Variants in COL1A1 observed in about 807,000 individuals in gnomAD.
COL1A1 encodes collagen type I alpha 1 chain.
A neutral mutation model predicts 195.7 loss-of-function variants in COL1A1; 21 were observed. The ratio of observed to expected loss-of-function variants is 0.11; its 90% CI spans 0.08 to 0.15. The LOEUF is 0.15. Among genes scored for constraint, COL1A1 ranks in the 10% least tolerant of loss-of-function variants. The pLI, the probability that COL1A1 is intolerant of heterozygous loss-of-function variation, is 1.00. For synonymous variants in COL1A1, 749 were observed against 747.3 expected (o/e 1.00, Z -0.04); for missense variants, 1,365 against 2,051.0 (o/e 0.67, Z 6.46).
rs775025619 is a variant in COL1A1 at position 50,189,319 on chromosome 17, G to A, written c.2830-44C>T. ...GGTGAGGTGCCAGAGAGCAGCACAGGGACCCCTCCCCAGCTCTGCACACCT... is the reference window on the plus strand; with the variant it reads ...GGTGAGGTGCCAGAGAGCAGCACAGAGACCCCTCCCCAGCTCTGCACACCT... On this transcript the variant is annotated intron_variant, in intron 39 of 50. Coordinates refer to ENST00000225964, the MANE Select transcript of COL1A1 (RefSeq NM_000088.4). This position sits in a 1 kb window ranked among gnomAD's most constrained non-coding sequence, Gnocchi z 5.5. 1 of 1,613,574 alleles carries A rather than the reference G, an allele frequency of 6.2e-7. No homozygotes were observed. Among genetic ancestry groups the A allele is most frequent in the Non-Finnish European group, 8.5e-7 (1 of 1,179,874 alleles).
At chr17:50,198,326 C>T (rs983800887) in intron 6 of COL1A1, 107 bp downstream of exon 6, 3 of 1,547,382 alleles carry the variant, frequency 1.9e-6, no homozygotes, top group African/African-American at 1.4e-5. Context: ...CTCTGAGGTC[C>T]CAAAGGTGAT....
chr17:50,199,670 C>G, intron 2 of COL1A1, 80 bp from the exon 3 acceptor site: 1 of 1,607,988 alleles, frequency 6.2e-7, no homozygotes, highest in Non-Finnish European at 8.5e-7. Flanking sequence ...GCACGGAGGG[C>G]CAGCGAGCGC....
chr17:50,201,411 TGTCTTC>T lies in COL1A1; in HGVS notation c.97_102del (p.Glu33_Asp34del). 6.2e-7 allele frequency: 1 copy of T among 1,613,794 alleles called. No homozygotes were observed. The highest frequency in any genetic ancestry group is 8.5e-7 in the Non-Finnish European group (1 of 1,180,010). On this transcript the variant is annotated inframe_deletion and splice_region_variant, in exon 1 of 51. Coordinates refer to ENST00000225964, the MANE Select transcript of COL1A1 (RefSeq NM_000088.4). ...GCACTCCCAAAAGTTTGGGACTTAC[TGTCTTC>T]GTCTTGGCCCTCGACTTGGCCTTCC...
chr17:50,185,673 A>T (rs771552286), intron 50 of COL1A1, 25 bp from the exon 51 acceptor site: 2 of 1,612,414 alleles, frequency 1.2e-6, no homozygotes, highest in East Asian at 4.5e-5. Context: ...AGACAACGGG[A>T]GGGGGCATTA....
At chr17:50,197,113 T>C (rs1366077742) in intron 10 of COL1A1, 50 bp from the exon 11 acceptor site, 2 of 1,613,994 alleles carry the variant, frequency 1.2e-6, no homozygotes, top group South Asian at 2.2e-5. Flanking sequence ...CACATCACTG[T>C]GGACCCAGCT....
At position 50,186,933 on chromosome 17, in the gene COL1A1, A is replaced by G; in HGVS notation, c.3532-11T>C. ...AGGGCCGGGGGGACCCTGCACAGAG[A>G]GGGAAGAGAGTGGGGATTACCGGCA... On this transcript the variant is annotated splice_polypyrimidine_tract_variant and intron_variant, in intron 47 of 50. Transcript: ENST00000225964. This position sits in a 1 kb window ranked among gnomAD's most constrained non-coding sequence, Gnocchi z 5.3. 1 of 1,613,090 alleles carries G rather than the reference A, an allele frequency of 6.2e-7. No homozygotes were observed.
rs58879635 is a variant in COL1A1 at position 50,184,475 on chromosome 17, C to CAAAAAAAAAAAAAAAA, written c.*1011_*1026dup. On this transcript the variant is annotated 3_prime_UTR_variant, in exon 51 of 51. Coordinates refer to ENST00000225964, the MANE Select transcript of COL1A1 (RefSeq NM_000088.4). ...AGAAAAATTCACAAGTCCCCATCCA[C>CAAAAAAAAAAAAAAAA]AAAAAAAAAAAAAAAAAAAGAAAAA... 9.3e-6 allele frequency: 1 copy of CAAAAAAAAAAAAAAAA among 108,046 alleles called. No individual in the cohort carries two copies. The highest frequency in any genetic ancestry group is 1.8e-5 in the Non-Finnish European group (1 of 56,588). 6.7% of individuals were successfully genotyped at this position (108,046 alleles called of 1,614,324 possible). A position where few individuals can be genotyped will look rare whatever the true frequency, so the allele number is the denominator to read the frequency against.
At position 50,185,257 on chromosome 17, in the gene COL1A1, CTTTT is replaced by C; in HGVS notation, c.*241_*244del. On this transcript the variant is annotated 3_prime_UTR_variant, in exon 51 of 51. Transcript: ENST00000225964. ...TTTTTTAAAAAGTTATTTATTTATT[CTTTT>C]TTTTTTTTTTTTTTTGGTAAGGTTG... The C allele has an allele frequency of 3.0e-4, 57 of 191,084 alleles. No homozygotes were observed. Among genetic ancestry groups the C allele is most frequent in the East Asian group, 5.9e-4 (7 of 11,804 alleles). 11.8% of individuals were successfully genotyped at this position (191,084 alleles called of 1,614,324 possible). A position where few individuals can be genotyped will look rare whatever the true frequency, so the allele number is the denominator to read the frequency against.
chr17:50,194,517 G>T lies in COL1A1; in HGVS notation c.1515+56C>A. On this transcript the variant is annotated intron_variant, in intron 22 of 50. Transcript: ENST00000225964. The surrounding 1 kb of genome is among the most constrained non-coding windows in gnomAD (Gnocchi z 6.8). ...GGCTCTTTGCCACGGGCCAAAAGAG[G>T]AAGAAGATGCCCAGGGAGCGGCAGG... 1.2e-6 allele frequency: 2 copies of T among 1,612,762 alleles called. No homozygotes were observed. The highest frequency in any genetic ancestry group is 1.7e-6 in the Non-Finnish European group (2 of 1,179,192).
intron 31 of COL1A1, 58 bp downstream of exon 31, chr17:50,191,730 G>A (rs1907094048): frequency 1.3e-6 from 2 of 1,508,870 alleles, no homozygotes; most frequent in Non-Finnish European, 1.8e-6. Context: ...CCTGCTGCAG[G>A]AGGGGTGAGA....
chr17:50,188,484 G>A lies in COL1A1; in HGVS notation c.3207+46C>T, dbSNP rs774182176. ...CCAGGCCTCTAAGGAGGCCTGAAGA[G>A]TCCCTGGCCTGACCAGGTACAGGGA... On this transcript the variant is annotated intron_variant, in intron 43 of 50. Coordinates refer to ENST00000225964, the MANE Select transcript of COL1A1 (RefSeq NM_000088.4). The surrounding 1 kb of genome is among the most constrained non-coding windows in gnomAD (Gnocchi z 5.6). 1.4e-4 allele frequency: 215 copies of A among 1,570,190 alleles called. No homozygotes were observed. Among genetic ancestry groups the A allele is most frequent in the Non-Finnish European group, 1.8e-4 (200 of 1,140,588 alleles).
Position 50,186,820 on chromosome 17 carries a change from C to G in COL1A1, c.3634G>C (p.Gly1212Arg). Residue 1212 changes from glycine to arginine, a missense_variant, in exon 48 of 51, where the codon GGT (glycine) becomes CGT (arginine). By Grantham distance (125) the Gly-to-Arg change is moderately radical. This residue lies in a region of COL1A1 where 671 missense variants were observed against 1,099.9 expected (regional missense o/e 0.61). Coordinates refer to ENST00000225964, the MANE Select transcript of COL1A1 (RefSeq NM_000088.4). The surrounding 1 kb of genome is among the most constrained non-coding windows in gnomAD (Gnocchi z 5.3). ...TCATCAGCCCGGTAGTAGCGGCCACCATCGTGAGCCTTCTCTTGAGGTGGC... is the reference window on the plus strand; with the variant it reads ...TCATCAGCCCGGTAGTAGCGGCCACGATCGTGAGCCTTCTCTTGAGGTGGC... ...PQPPQEKAHD[G>R]GRYYRADDAN... 1 of 1,614,132 alleles carries G rather than the reference C, an allele frequency of 6.2e-7. No homozygotes were observed. The highest frequency in any genetic ancestry group is 1.1e-5 in the South Asian group (1 of 91,082).
In COL1A1 at chr17:50,190,041, G is replaced by A. The variant is rs748149807; in HGVS notation, c.2519C>T (p.Pro840Leu). ...TCCAGCGGGTCCGGCAGGGCCAGGG[G>A]GACCAGCATCGCCTTTAGCACCAGC... ...GDAGAKGDAG[P>L]PGPAGPAGPP... The change falls in exon 36 of 51, where the codon CCC becomes CTC. Residue 840 changes from proline (P) to leucine (L), a missense_variant. Physicochemically the swap from Pro to Leu is moderately conservative, Grantham distance 98 (BLOSUM62 -3). Around this residue, in one of 5 missense-constraint regions of COL1A1, gnomAD observed 671 missense variants for 1,099.9 expected, o/e 0.61. Transcript: ENST00000225964. The surrounding 1 kb of genome is among the most constrained non-coding windows in gnomAD (Gnocchi z 4.7). The A allele has an allele frequency of 1.5e-5, 25 of 1,613,698 alleles. No individual in the cohort carries two copies. Among genetic ancestry groups the A allele is most frequent in the Admixed American group, 1.7e-5 (1 of 60,004 alleles).
chr17:50,193,346 T>G, intron 25 of COL1A1: 1 of 511,840 alleles, frequency 2.0e-6, no homozygotes, highest in Non-Finnish European at 3.5e-6. Context: ...CCACCAAGAC[T>G]GGGGGTGCCT....
chr17:50,192,445 C>A lies in COL1A1; in HGVS notation c.1983+30G>T, dbSNP rs1284007528. On this transcript the variant is annotated intron_variant, in intron 29 of 50. Transcript: ENST00000225964. Reference sequence around the variant, plus strand: ...TGTCCCTCTGGATTCCCTGCATCTCCCACCCCTCTGGCCGGCTGCTCCCTC... The same window carrying A: ...TGTCCCTCTGGATTCCCTGCATCTCACACCCCTCTGGCCGGCTGCTCCCTC... 2.5e-6 allele frequency: 4 copies of A among 1,578,894 alleles called. No individual in the cohort carries two copies. The Admixed American group carries it at 7.4e-5, about 29-fold the overall frequency.
rs752796873 is a variant in COL1A1 at position 50,200,071 on chromosome 17, T to C, written c.104-124A>G. 3.6e-6 allele frequency: 4 copies of C among 1,099,120 alleles called. No individual in the cohort carries two copies. The Admixed American group carries it at 7.2e-5, about 20-fold the overall frequency. The allele number at this position is 1,099,120 out of a possible 1,614,324, so 68.1% of individuals were successfully genotyped here. A position where few individuals can be genotyped will look rare whatever the true frequency, so the allele number is the denominator to read the frequency against. On this transcript the variant is annotated intron_variant, in intron 1 of 50. Transcript: ENST00000225964. ...TCCCGCCCCTCCCCCCGTTCTTCTT[T>C]CCTCAAATCCTTAAAAGCTCGCCTG...
chr17:50,198,201 G>A lies in COL1A1; in HGVS notation c.548C>T (p.Pro183Leu). The A allele has an allele frequency of 6.2e-7, 1 of 1,614,070 alleles. No homozygotes were observed. The highest frequency in any genetic ancestry group is 8.5e-7 in the Non-Finnish European group (1 of 1,179,994). Residue 183 changes from proline to leucine, a missense_variant, in exon 7 of 51, where the codon CCC becomes CTC. By Grantham distance (98) the Pro-to-Leu change is moderately conservative. This residue lies in a region of COL1A1 where 226 missense variants were observed against 372.9 expected (regional missense o/e 0.61). Coordinates refer to ENST00000225964, the MANE Select transcript of COL1A1 (RefSeq NM_000088.4). Reference sequence around the variant, plus strand: ...GCCAGGGAGACCACGAGGACCAGAGGGACCCTATAGAGGGAGAAGAAAGGG... The same window carrying A: ...GCCAGGGAGACCACGAGGACCAGAGAGACCCTATAGAGGGAGAAGAAAGGG... ...GGISVPGPMG[P>L]SGPRGLPGPP...
At chr17:50,197,822 A>G in intron 8 of COL1A1, 37 bp from the exon 9 acceptor site, 1 of 1,576,556 alleles carries the variant, frequency 6.3e-7, no homozygotes, top group Non-Finnish European at 8.5e-7. Context: ...AATATGGATA[A>G]GAAAAAAAGA....
chr17:50,199,958 C>T lies in COL1A1; in HGVS notation c.104-11G>A, dbSNP rs751583644. ...AGGTGATTGGTGGGACTGGGACAGG[C>T]GGAAGAGGGGCGTTGTCAGTAGTGA... On this transcript the variant is annotated splice_polypyrimidine_tract_variant and intron_variant, in intron 1 of 50. Coordinates refer to ENST00000225964, the MANE Select transcript of COL1A1 (RefSeq NM_000088.4). 3 of 1,613,860 alleles carry T rather than the reference C, an allele frequency of 1.9e-6. No homozygotes were observed. The Admixed American group carries it at 5.0e-5, about 27-fold the overall frequency.
Sources: allele counts gnomAD v4.1 joint callset, GRCh38; gene constraint gnomAD v4.1.1; regional missense constraint gnomAD v4.1.1; non-coding constraint Gnocchi (gnomAD v3.1); transcripts MANE v1.5; gene names NCBI Gene and HGNC (gene_info 2026-07-23, HGNC 2026-07-21).